Variants in SHISA6 observed in about 807,000 individuals in gnomAD.
The protein encoded by SHISA6 is shisa family member 6, also known as protein shisa-6.
A neutral mutation model predicts 47.9 loss-of-function variants in SHISA6; 22 were observed. The observed-to-expected ratio is 0.46, with a 90% confidence interval of 0.33 to 0.66. SHISA6 has a LOEUF of 0.66. Ranked by LOEUF, SHISA6 falls within the 30% of genes least tolerant of loss-of-function variation. SHISA6 has a pLI of 0.02. For missense variants in SHISA6, 680 were observed against 764.6 expected (o/e 0.89, Z 1.30); for synonymous variants, 388 against 337.8 (o/e 1.15, Z -1.63).
intron 3 of SHISA6, among the ~76,000 whole-genome samples, chr17:11,389,014 TC>T (rs1913301018): frequency 1.3e-5 from 2 of 151,942 alleles, no homozygotes; most frequent in East Asian, 3.9e-4. Flanking sequence ...ATGCTGTGAC[TC>T]CTCAGTATGG....
At chr17:11,556,697 G>A (rs1372034596) in intron 5 of SHISA6, among the ~76,000 whole-genome samples, 3 of 152,114 alleles carry the variant, frequency 2.0e-5, no homozygotes, top group Admixed American at 1.3e-4. Flanking sequence ...AGCTAGAGAC[G>A]GGACTATCAT....
intron 2 of SHISA6, among the ~76,000 whole-genome samples, chr17:11,308,039 T>C (rs1488978410): frequency 6.6e-6 from 1 of 152,180 alleles, no homozygotes; most frequent in Non-Finnish European, 1.5e-5. Context: ...CCTGATGGTC[T>C]GACTTTGGTG....
At chr17:11,541,913 T>A (rs373690514) in intron 3 of SHISA6, among the ~76,000 whole-genome samples, 1 of 152,256 alleles carries the variant, frequency 6.6e-6, no homozygotes, top group South Asian at 2.1e-4. Flanking sequence ...AGTAAGAAGG[T>A]TGGCAAATCC....
chr17:11,456,381 C>T (rs528731353), intron 3 of SHISA6, among the ~76,000 whole-genome samples: 1 of 152,186 alleles, frequency 6.6e-6, no homozygotes, highest in East Asian at 1.9e-4. Flanking sequence ...CTCAGTGTGC[C>T]GACAGTCACC....
chr17:11,325,639 A>T (rs1439014424), intron 2 of SHISA6, among the ~76,000 whole-genome samples: 1 of 152,044 alleles, frequency 6.6e-6, no homozygotes, highest in Non-Finnish European at 1.5e-5. Context: ...TTCCCCATGT[A>T]CTTTCACGTT....
intron 3 of SHISA6, among the ~76,000 whole-genome samples, chr17:11,450,227 G>T (rs1402942163): frequency 6.6e-6 from 1 of 151,954 alleles, no homozygotes; most frequent in Admixed American, 6.6e-5. Context: ...TGAATTTAGG[G>T]GCCCACCCCA....
At chr17:11,348,587 G>C (rs1297181808) in intron 2 of SHISA6, among the ~76,000 whole-genome samples, 1 of 151,954 alleles carries the variant, frequency 6.6e-6, no homozygotes, top group Non-Finnish European at 1.5e-5. Context: ...CCTCAATCTT[G>C]GTCTGAGTTA....
At chr17:11,534,968 A>G (rs540133211) in intron 3 of SHISA6, among the ~76,000 whole-genome samples, 2 of 152,052 alleles carry the variant, frequency 1.3e-5, no homozygotes, top group Admixed American at 1.3e-4. Context: ...TCTCTACTAA[A>G]AATACAAAAA....
intron 1 of SHISA6, among the ~76,000 whole-genome samples, chr17:11,248,658 C>T (rs1297933806): frequency 6.6e-6 from 1 of 152,134 alleles, no homozygotes; most frequent in African/African-American, 2.4e-5. Context: ...TGATTTCTGT[C>T]GATCTTCCCC....
At chr17:11,538,739 A>G (rs954169297) in intron 3 of SHISA6, among the ~76,000 whole-genome samples, 1 of 150,062 alleles carries the variant, frequency 6.7e-6, no homozygotes, top group Non-Finnish European at 1.5e-5. Context: ...TAAGTACACT[A>G]GAGTTTAAAA....
chr17:11,311,611 C>T (rs754204481), intron 2 of SHISA6, among the ~76,000 whole-genome samples: 1 of 152,014 alleles, frequency 6.6e-6, no homozygotes, highest in Non-Finnish European at 1.5e-5. Context: ...TCATAATCAA[C>T]AGTGTTTTAT....
chr17:11,507,381 C>T (rs2071508234), intron 3 of SHISA6, among the ~76,000 whole-genome samples: 1 of 152,174 alleles, frequency 6.6e-6, no homozygotes, highest in Non-Finnish European at 1.5e-5. Context: ...CACCCTCCGC[C>T]CTACCTGCCT....
At chr17:11,351,633 CTATTTG>C (rs1911896801) in intron 2 of SHISA6, among the ~76,000 whole-genome samples, 1 of 152,234 alleles carries the variant, frequency 6.6e-6, no homozygotes, top group African/African-American at 2.4e-5. Flanking sequence ...TTGCACATCT[CTATTTG>C]TATTAGTCTG....
At chr17:11,482,850 T>A (rs1285059315) in intron 3 of SHISA6, among the ~76,000 whole-genome samples, 5 of 152,154 alleles carry the variant, frequency 3.3e-5, no homozygotes, top group Non-Finnish European at 7.4e-5. Context: ...TTAATGACTG[T>A]CATCATCATA....
At chr17:11,288,538 T>G (rs1191786469) in intron 2 of SHISA6, 3 of 152,078 alleles carry the variant, frequency 2.0e-5, no homozygotes, top group Non-Finnish European at 2.9e-5. Context: ...CTGGGCAACA[T>G]AGCAAGCTAT....
chr17:11,520,929 T>C (rs1298436358), intron 3 of SHISA6, among the ~76,000 whole-genome samples: 4 of 152,226 alleles, frequency 2.6e-5, no homozygotes, highest in East Asian at 3.9e-4. Flanking sequence ...CTTAACACCA[T>C]GAGTACAAGA....
intron 3 of SHISA6, among the ~76,000 whole-genome samples, chr17:11,515,940 T>C (rs1233541126): frequency 6.6e-6 from 1 of 152,166 alleles, no homozygotes; most frequent in African/African-American, 2.4e-5. Flanking sequence ...TCGCCCACAG[T>C]TCTCTGCTTA....
intron 2 of SHISA6, among the ~76,000 whole-genome samples, chr17:11,369,113 C>T (rs1166958605): frequency 6.6e-6 from 1 of 152,182 alleles, no homozygotes; most frequent in African/African-American, 2.4e-5. Context: ...ATGCTTTTAT[C>T]GCCTCTATGT....
chr17:11,465,261 G>A (rs539063193), intron 3 of SHISA6, among the ~76,000 whole-genome samples: 24 of 151,726 alleles, frequency 1.6e-4, no homozygotes, highest in Non-Finnish European at 1.8e-4. Flanking sequence ...GCCACCACTC[G>A]GGGAAGCATC....
Sources: gnomAD v4.1 joint callset for allele counts (sites outside exome capture counted in the v4.1 genomes callset) on GRCh38, gnomAD v4.1.1 for gene constraint, MANE v1.5 for transcripts, NCBI Gene and HGNC (gene_info 2026-07-23, HGNC 2026-07-21) for gene names.